UBE2W: variants seen among roughly 807,000 people sequenced by gnomAD.
UBE2W encodes the protein ubiquitin conjugating enzyme E2 W, also known as ubiquitin-conjugating enzyme E2 W.
In UBE2W, 18 loss-of-function variants were observed where a neutral mutation model predicts 27.2. The observed-to-expected ratio is 0.66, with a 90% CI of 0.46 to 0.98. UBE2W has a LOEUF of 0.98. UBE2W is among the 50% of genes least tolerant of loss of function. UBE2W has a pLI of 0.00. For synonymous variants in UBE2W, 53 were observed against 57.2 expected (o/e 0.93, Z 0.33); for missense variants, 90 against 180.2 (o/e 0.50, Z 2.87).
intron 1 of UBE2W, among the ~76,000 whole-genome samples, chr8:73,869,639 C>T (rs746230812): frequency 2.6e-5 from 4 of 151,942 alleles, no homozygotes; most frequent in Non-Finnish European, 5.9e-5. Context: ...TGCAATGAGC[C>T]GAGATGGTGC....
chr8:73,861,074 G>T (rs191946992), intron 1 of UBE2W, among the ~76,000 whole-genome samples: 100 of 152,208 alleles, frequency 6.6e-4, no homozygotes, highest in African/African-American at 2.2e-3. Context: ...AGGTACAGTT[G>T]TATCACTGCA....
At chr8:73,836,497 T>C (rs1810312259) in intron 1 of UBE2W, among the ~76,000 whole-genome samples, 1 of 152,228 alleles carries the variant, frequency 6.6e-6, no homozygotes, top group African/African-American at 2.4e-5. Context: ...CAACAGTTCA[T>C]TAGACAGGGC....
At position 73,791,737 on chromosome 8, in the gene UBE2W, T is replaced by C; in HGVS notation, c.*2365A>G. On this transcript the variant is annotated 3_prime_UTR_variant, in exon 6 of 6. Transcript: ENST00000602593. ...TTAGCCTGATTATGAATTTTAAATG[T>C]CTGTGCTCCTATATTTTAGGATATT... 1 of 983,066 alleles carries C rather than the reference T, an allele frequency of 1.0e-6. No homozygotes were observed. Among genetic ancestry groups the C allele is most frequent in the Non-Finnish European group, 1.2e-6 (1 of 828,646 alleles). 60.9% of individuals were successfully genotyped at this position (983,066 alleles called of 1,614,324 possible). A position where few individuals can be genotyped will look rare whatever the true frequency, so the allele number is the denominator to read the frequency against.
At chr8:73,780,744 G>A (rs111451141) in intron 4 of UBE2W, among the ~76,000 whole-genome samples, 22 of 151,626 alleles carry the variant, frequency 1.5e-4, no homozygotes, top group Middle Eastern at 3.4e-3. Flanking sequence ...GGCTGGTCTC[G>A]AACTCCTGGA....
intron 3 of UBE2W, among the ~76,000 whole-genome samples, chr8:73,824,440 A>G (rs1158585149): frequency 6.6e-6 from 1 of 152,224 alleles, no homozygotes; most frequent in East Asian, 1.9e-4. Flanking sequence ...GCAAAATCAT[A>G]GTACTCCTTC....
intron 3 of UBE2W, among the ~76,000 whole-genome samples, chr8:73,816,194 G>A (rs1809377216): frequency 6.6e-6 from 1 of 152,184 alleles, no homozygotes; most frequent in African/African-American, 2.4e-5. Context: ...AACTTGGATT[G>A]TCTTGGATGG....
chr8:73,800,238 C>T (rs1808582298), intron 5 of UBE2W, among the ~76,000 whole-genome samples: 1 of 152,178 alleles, frequency 6.6e-6, no homozygotes, highest in South Asian at 2.1e-4. Flanking sequence ...AGAACAGCTG[C>T]TTTACCATCT....
chr8:73,874,695 T>G (rs1006789041), intron 1 of UBE2W, among the ~76,000 whole-genome samples: 1 of 152,234 alleles, frequency 6.6e-6, no homozygotes, highest in African/African-American at 2.4e-5. Flanking sequence ...TTTTTAGAAT[T>G]ACCAAAATTA....
chr8:73,803,153 A>C (rs1280545895), intron 5 of UBE2W, among the ~76,000 whole-genome samples: 1 of 151,922 alleles, frequency 6.6e-6, no homozygotes, highest in African/African-American at 2.4e-5. Flanking sequence ...GAGGCAGAGG[A>C]TGCAGTGAGC....
exon 5 of UBE2W, chr8:73,780,489 A>G (rs1192388903): frequency 2.2e-6 from 1 of 453,610 alleles, no homozygotes; most frequent in Non-Finnish European, 4.4e-6. Flanking sequence ...TTCAATCCGT[A>G]ATAGATAGTA....
Position 73,875,543 on chromosome 8 carries a change from T to A in UBE2W, c.15+3265A>T, listed in dbSNP as rs576206262. ...GTTACATTTGTATAATATGGCATTT[T>A]AAAAAAAATACAGTTCCTCTTAGAG... On this transcript the variant is annotated intron_variant, in intron 1 of 5. Coordinates refer to ENST00000602593, the MANE Select transcript of UBE2W (RefSeq NM_018299.6). Among the ~76,000 whole-genome samples, 64 of 117,032 alleles carry A rather than the reference T, an allele frequency of 5.5e-4. 2 individuals carry two copies. The highest frequency in any genetic ancestry group is 1.7e-4 in the Non-Finnish European group (9 of 52,766). 76.8% of individuals were successfully genotyped at this position (117,032 alleles called of 152,430 possible).
intron 1 of UBE2W, among the ~76,000 whole-genome samples, chr8:73,860,198 A>T (rs1758542603): frequency 6.6e-6 from 1 of 152,194 alleles, no homozygotes; most frequent in Non-Finnish European, 1.5e-5. Context: ...AAGTGAAAGA[A>T]TTACCAACCA....
chr8:73,837,869 C>T (rs372738273), intron 1 of UBE2W, among the ~76,000 whole-genome samples: 163 of 152,172 alleles, frequency 1.1e-3, no homozygotes, highest in African/African-American at 3.5e-3. Flanking sequence ...GACATCTATC[C>T]TCCCCAGGGC....
chr8:73,792,157 G>T lies in UBE2W; in HGVS notation c.*1945C>A. Reference sequence around the variant, plus strand: ...AGCTGCAATTTTCATATTAAAAGCAGTTTAAAACTATGAGTAATTCAAAGA... The same window carrying T: ...AGCTGCAATTTTCATATTAAAAGCATTTTAAAACTATGAGTAATTCAAAGA... On this transcript the variant is annotated 3_prime_UTR_variant, in exon 6 of 6. Transcript: ENST00000602593. 3 of 985,428 alleles carry T rather than the reference G, an allele frequency of 3.0e-6. No individual in the cohort carries two copies. Among genetic ancestry groups the T allele is most frequent in the Non-Finnish European group, 3.6e-6 (3 of 829,806 alleles). The allele number at this position is 985,428 out of a possible 1,614,324, so 61.0% of individuals were successfully genotyped here.
intron 5 of UBE2W, among the ~76,000 whole-genome samples, chr8:73,794,719 A>G (rs1468673298): frequency 6.6e-6 from 1 of 152,020 alleles, no homozygotes; most frequent in Non-Finnish European, 1.5e-5. Flanking sequence ...CCTGGCCAAC[A>G]TGGTGAAACC....
intron 1 of UBE2W, among the ~76,000 whole-genome samples, chr8:73,866,290 A>AAATATATAT (rs1248216873): frequency 7.0e-5 from 3 of 43,090 alleles, no homozygotes; most frequent in Non-Finnish European, 1.3e-4. Context: ...AAAAAAAAAA[A>AAATATATAT]ATATATATAT....
chr8:73,822,069 C>A (rs558339759), intron 3 of UBE2W, among the ~76,000 whole-genome samples: 1 of 152,270 alleles, frequency 6.6e-6, no homozygotes, highest in East Asian at 1.9e-4. Flanking sequence ...TCAAATGGAG[C>A]CCCAGACAGT....
chr8:73,852,715 G>A (rs529603971), intron 1 of UBE2W, among the ~76,000 whole-genome samples: 2 of 152,246 alleles, frequency 1.3e-5, no homozygotes, highest in East Asian at 3.9e-4. Context: ...AGCATGTGGT[G>A]AAAAATCTAC....
At chr8:73,839,281 T>C (rs1810432525) in intron 1 of UBE2W, among the ~76,000 whole-genome samples, 1 of 148,650 alleles carries the variant, frequency 6.7e-6, no homozygotes, top group Non-Finnish European at 1.5e-5. Flanking sequence ...TGAATACTAC[T>C]ACATCAAATG....
Sources: gnomAD v4.1 joint callset for allele counts (sites outside exome capture counted in the v4.1 genomes callset) on GRCh38, gnomAD v4.1.1 for gene constraint, MANE v1.5 for transcripts, NCBI Gene and HGNC (gene_info 2026-07-23, HGNC 2026-07-21) for gene names.